The following KIF26B variants were observed in gnomAD, a reference collection of about 807,000 sequenced individuals.
KIF26B encodes kinesin family member 26B, also known as kinesin-like protein KIF26B.
Under a neutral mutation model 151.2 loss-of-function variants are expected in KIF26B, and 63 were observed. The ratio of observed to expected loss-of-function variants is 0.42; its 90% confidence interval spans 0.34 to 0.51. The LOEUF (loss-of-function observed/expected upper bound fraction) is 0.51. KIF26B is among the 20% of genes least tolerant of loss of function. KIF26B has a pLI of 0.07. For synonymous variants in KIF26B, 1,357 were observed against 1,262.1 expected (o/e 1.08, Z -1.59); for missense variants, 2,813 against 2,913.6 (o/e 0.97, Z 0.79).
chr1:245,484,767 A>AT (rs1476972186), intron 4 of KIF26B, among the ~76,000 whole-genome samples: 92 of 134,232 alleles, frequency 6.9e-4, no homozygotes, highest in African/African-American at 2.4e-3. Flanking sequence ...CTTCTTCTTC[A>AT]TATTATTATT....
rs563518331 is a variant in KIF26B at position 245,182,573 on chromosome 1, C to T, written c.465+25890C>T. Among the ~76,000 whole-genome samples the T allele has an allele frequency of 2.0e-5, 3 of 152,162 alleles. No individual in the cohort carries two copies. The South Asian group carries it at 6.2e-4, about 32-fold the overall frequency. ...TTTGTGTGGACATATGGTTTCATTT[C>T]TTATGGATAGATGCCTAGGTGTGGA... On this transcript the variant is annotated intron_variant, in intron 2 of 14. Coordinates refer to ENST00000407071, the MANE Select transcript of KIF26B (RefSeq NM_018012.4).
Position 245,606,263 on chromosome 1 carries a change from T to C in KIF26B, c.1558-1388T>C, listed in dbSNP as rs1420180943. Among the ~76,000 whole-genome samples, 1 of 152,200 alleles carries C rather than the reference T, an allele frequency of 6.6e-6. No individual in the cohort carries two copies. Among genetic ancestry groups the C allele is most frequent in the East Asian group, 1.9e-4 (1 of 5,172 alleles). On this transcript the variant is annotated intron_variant, in intron 6 of 14. Transcript: ENST00000407071. This position sits in a 1 kb window ranked among gnomAD's most constrained non-coding sequence, Gnocchi z 4.6. ...GCTGTTGGAAGTGTGGTTTTTCAAT[T>C]TTAGTTTAGGAGAGAAAACTGATTT...
At chr1:245,228,108 G>A (rs1291832629) in intron 2 of KIF26B, among the ~76,000 whole-genome samples, 1 of 152,198 alleles carries the variant, frequency 6.6e-6, no homozygotes, top group East Asian at 1.9e-4. Flanking sequence ...TCCCACGCAT[G>A]CCACTTATAA....
At chr1:245,595,010 A>T (rs1324629794) in intron 5 of KIF26B, among the ~76,000 whole-genome samples, 1 of 152,188 alleles carries the variant, frequency 6.6e-6, no homozygotes. Flanking sequence ...TTGCACAATG[A>T]TTTTGTATCC....
At chr1:245,264,841 C>T (rs752236623) in intron 2 of KIF26B, among the ~76,000 whole-genome samples, 1 of 148,144 alleles carries the variant, frequency 6.8e-6, no homozygotes, top group Non-Finnish European at 1.5e-5. Flanking sequence ...TGCAGAGAGC[C>T]GAGATCGAGC....
At chr1:245,157,021 T>C (rs935159217) in intron 2 of KIF26B, among the ~76,000 whole-genome samples, 1 of 152,144 alleles carries the variant, frequency 6.6e-6, no homozygotes, top group African/African-American at 2.4e-5. Flanking sequence ...GCTTTCGATG[T>C]TTCTCCCCAC....
At chr1:245,509,165 A>G (rs1347617584) in intron 4 of KIF26B, among the ~76,000 whole-genome samples, 2 of 152,236 alleles carry the variant, frequency 1.3e-5, no homozygotes, top group African/African-American at 4.8e-5. Context: ...GAGAGATCAT[A>G]TAGTCTACAT....
chr1:245,640,360 A>G (rs906553588), intron 9 of KIF26B, among the ~76,000 whole-genome samples: 6 of 151,228 alleles, frequency 4.0e-5, no homozygotes, highest in African/African-American at 1.5e-4. Context: ...TTCCATTTGC[A>G]TGGAATGCTT....
At chr1:245,489,857 G>A (rs1264555071) in intron 4 of KIF26B, among the ~76,000 whole-genome samples, 1 of 152,172 alleles carries the variant, frequency 6.6e-6, no homozygotes, top group Non-Finnish European at 1.5e-5. Context: ...TTGGAACTTT[G>A]CTGAGAACTT....
intron 4 of KIF26B, among the ~76,000 whole-genome samples, chr1:245,471,123 G>GTATATATATATATATATA (rs200717016): frequency 2.4e-4 from 33 of 139,666 alleles, no homozygotes; most frequent in African/African-American, 8.1e-4. Flanking sequence ...GTATGTGTGT[G>GTATATATATATATATATA]TGTGTGTGTA....
At position 245,675,319 on chromosome 1, in the gene KIF26B, C is replaced by T. The variant is rs113916671; in HGVS notation, c.2259-8914C>T. Reference sequence around the variant, plus strand: ...TTCCCATGTGGTCTAACTCAGTCTCCAGGTGGACTGGTACTGTGTGACCCC... The same window carrying T: ...TTCCCATGTGGTCTAACTCAGTCTCTAGGTGGACTGGTACTGTGTGACCCC... On this transcript the variant is annotated intron_variant, in intron 10 of 14. Coordinates refer to ENST00000407071, the MANE Select transcript of KIF26B (RefSeq NM_018012.4). 5.8e-3 allele frequency among the ~76,000 whole-genome samples: 882 copies of T among 152,266 alleles called. 9 individuals are homozygous for T. The highest frequency in any genetic ancestry group is 0.015 in the African/African-American group (641 of 41,554).
At chr1:245,417,581 C>A (rs1674451357) in intron 3 of KIF26B, among the ~76,000 whole-genome samples, 2 of 152,226 alleles carry the variant, frequency 1.3e-5, no homozygotes, top group African/African-American at 4.8e-5. Context: ...GCTCACTAAT[C>A]CCTGATTCTT....
At chr1:245,212,695 C>T (rs990614172) in intron 2 of KIF26B, among the ~76,000 whole-genome samples, 2 of 152,122 alleles carry the variant, frequency 1.3e-5, no homozygotes, top group Non-Finnish European at 2.9e-5. Context: ...CTTGGTGTAA[C>T]TTTGCGTGCT....
At chr1:245,554,732 G>A (rs1661979153) in intron 5 of KIF26B, among the ~76,000 whole-genome samples, 1 of 152,156 alleles carries the variant, frequency 6.6e-6, no homozygotes, top group Non-Finnish European at 1.5e-5. Context: ...TGCATGGTGA[G>A]GACAGCTGAC....
At chr1:245,304,699 CTCCA>C (rs547585018) in intron 2 of KIF26B, among the ~76,000 whole-genome samples, 3 of 150,550 alleles carry the variant, frequency 2.0e-5, no homozygotes, top group Non-Finnish European at 4.4e-5. Flanking sequence ...ACGTCCATCC[CTCCA>C]TCCATCCATC....
intron 5 of KIF26B, among the ~76,000 whole-genome samples, chr1:245,542,635 C>T (rs1661650068): frequency 6.6e-6 from 1 of 152,246 alleles, no homozygotes; most frequent in Admixed American, 6.5e-5. Flanking sequence ...CGTGGTACGC[C>T]ACAGGGGCAC....
intron 2 of KIF26B, among the ~76,000 whole-genome samples, chr1:245,351,425 A>C (rs974818790): frequency 1.3e-5 from 2 of 152,048 alleles, no homozygotes; most frequent in African/African-American, 4.8e-5. Flanking sequence ...TGTCTTAAAC[A>C]AAGAGAAAAC....
intron 5 of KIF26B, among the ~76,000 whole-genome samples, chr1:245,546,794 G>A (rs1661751215): frequency 6.6e-6 from 1 of 152,334 alleles, no homozygotes; most frequent in South Asian, 2.1e-4. Context: ...CATCACTATA[G>A]CTAGCCTGAT....
Position 245,628,438 on chromosome 1 carries a change from G to A in KIF26B, c.2098+16462G>A, listed in dbSNP as rs544695852. On this transcript the variant is annotated intron_variant, in intron 9 of 14. Transcript: ENST00000407071. Reference sequence around the variant, plus strand: ...AGAGATTGCAGTTAGCCAAGATGAAGTCAGCTTCATCCCTGGTTCAACATG... The same window carrying A: ...AGAGATTGCAGTTAGCCAAGATGAAATCAGCTTCATCCCTGGTTCAACATG... Among the ~76,000 whole-genome samples, 19 of 152,302 alleles carry A rather than the reference G, an allele frequency of 1.2e-4. No homozygotes were observed. The South Asian group carries it at 3.9e-3, about 32-fold the overall frequency.
Sources: allele counts gnomAD v4.1 joint callset (sites outside exome capture counted in the v4.1 genomes callset), GRCh38; gene constraint gnomAD v4.1.1; non-coding constraint Gnocchi (gnomAD v3.1); transcripts MANE v1.5; gene names NCBI Gene and HGNC (gene_info 2026-07-23, HGNC 2026-07-21).